The following SOX5 variants were observed in gnomAD, a reference collection of about 807,000 sequenced individuals.
SOX5 encodes the protein SRY-box transcription factor 5.
In SOX5, 9 loss-of-function variants were observed where a neutral mutation model predicts 92.0. That is an observed-to-expected ratio of 0.10 (90% CI 0.06 to 0.17). SOX5 has a LOEUF of 0.17. Ranked by LOEUF, SOX5 falls within the 10% of genes least tolerant of loss-of-function variation. The pLI, the probability that SOX5 is intolerant of heterozygous loss-of-function variation, is 1.00. For missense variants in SOX5, 642 were observed against 944.5 expected (o/e 0.68, Z 4.20); for synonymous variants, 344 against 336.3 (o/e 1.02, Z -0.25).
intron 4 of SOX5, among the ~76,000 whole-genome samples, chr12:24,095,188 G>A (rs1327532598): frequency 6.6e-6 from 1 of 151,810 alleles, no homozygotes; most frequent in African/African-American, 2.4e-5. Flanking sequence ...CAGAGAGAGA[G>A]AGAGAGATTC....
chr12:24,312,041 A>AT, intron 2 of SOX5, among the ~76,000 whole-genome samples: 1 of 139,352 alleles, frequency 7.2e-6, no homozygotes, highest in East Asian at 3.0e-4. Context: ...TTGGTAGTTG[A>AT]GAAATTAAGG....
chr12:23,830,081 C>T (rs937391530), intron 3 of SOX5, among the ~76,000 whole-genome samples: 20 of 152,108 alleles, frequency 1.3e-4, no homozygotes, highest in Non-Finnish European at 2.1e-4. Context: ...GCATAAACTG[C>T]TATGATGGAT....
intron 1 of SOX5, among the ~76,000 whole-genome samples, chr12:24,374,202 A>T (rs1957014663): frequency 6.6e-6 from 1 of 152,094 alleles, no homozygotes; most frequent in South Asian, 2.1e-4. Context: ...GCAGTGGTGC[A>T]GAAGCCTGTG....
intron 4 of SOX5, among the ~76,000 whole-genome samples, chr12:24,026,869 A>C (rs1954948665): frequency 6.6e-6 from 1 of 151,980 alleles, no homozygotes; most frequent in South Asian, 2.1e-4. Context: ...CCACAGTAGT[A>C]ATGAAGCATT....
intron 4 of SOX5, among the ~76,000 whole-genome samples, chr12:24,140,171 G>T (rs1950450197): frequency 6.6e-6 from 1 of 152,108 alleles, no homozygotes; most frequent in Non-Finnish European, 1.5e-5. Flanking sequence ...TAATAGTGTA[G>T]GTCAATGCTG....
At chr12:23,694,155 C>T (rs2089403476) in intron 6 of SOX5, among the ~76,000 whole-genome samples, 1 of 152,248 alleles carries the variant, frequency 6.6e-6, no homozygotes, top group African/African-American at 2.4e-5. Flanking sequence ...AAATGATTTG[C>T]CTTTTCATGA....
chr12:23,742,549 T>C (rs556024320), intron 4 of SOX5, among the ~76,000 whole-genome samples: 3 of 152,280 alleles, frequency 2.0e-5, no homozygotes, highest in Admixed American at 6.5e-5. Context: ...TTAATGAAAA[T>C]ATTCATATGC....
intron 1 of SOX5, among the ~76,000 whole-genome samples, chr12:24,411,879 G>C (rs1398685665): frequency 6.6e-6 from 1 of 152,052 alleles, no homozygotes; most frequent in Non-Finnish European, 1.5e-5. Flanking sequence ...TAAATGTTTG[G>C]TAGAATTATC....
intron 2 of SOX5, among the ~76,000 whole-genome samples, chr12:23,865,599 C>T (rs918438410): frequency 9.3e-5 from 14 of 151,346 alleles, no homozygotes; most frequent in African/African-American, 2.2e-4. Flanking sequence ...CACTTGAACC[C>T]GGGAGGCGGA....
chr12:24,235,176 A>G (rs538037497), intron 3 of SOX5, among the ~76,000 whole-genome samples: 52 of 152,338 alleles, frequency 3.4e-4, no homozygotes, highest in Non-Finnish European at 6.6e-4. Context: ...GTGGCTCGGA[A>G]AACATTTGTT....
rs562385647 is a variant in SOX5 at position 24,500,007 on chromosome 12, G to C, written c.-251+62322C>G. Among the ~76,000 whole-genome samples the C allele has an allele frequency of 2.5e-4, 38 of 152,120 alleles. 1 individual carries two copies. Among genetic ancestry groups the C allele is most frequent in the Middle Eastern group, 3.4e-3 (1 of 294 alleles). ...TGTCTCTGGCATATTCTTTCCTCAG[G>C]CCTCAAATTCTTTCAGAAAATCAAG... On this transcript the variant is annotated intron_variant, in intron 1 of 4. Coordinates refer to the SOX5 transcript ENST00000446891.
chr12:23,657,659 G>C (rs16926532), intron 7 of SOX5, among the ~76,000 whole-genome samples: 40,422 of 151,936 alleles, frequency 0.27, 5,466 homozygotes, highest in African/African-American at 0.3. Flanking sequence ...CTGTTACTGA[G>C]ATGAAATTCC....
intron 2 of SOX5, among the ~76,000 whole-genome samples, chr12:24,350,942 A>T (rs1353986313): frequency 6.6e-6 from 1 of 152,186 alleles, no homozygotes; most frequent in Non-Finnish European, 1.5e-5. Context: ...CTGTAATCCC[A>T]GCTACCTGAG....
At chr12:23,721,839 T>C (rs75593496) in intron 6 of SOX5, among the ~76,000 whole-genome samples, 8,070 of 152,292 alleles carry the variant, frequency 0.053, 717 homozygotes, top group African/African-American at 0.18. Flanking sequence ...CCAAGGAAGC[T>C]TGAAAAATTA....
At chr12:23,913,770 C>T (rs1023367001) in intron 1 of SOX5, among the ~76,000 whole-genome samples, 3 of 150,998 alleles carry the variant, frequency 2.0e-5, no homozygotes, top group Non-Finnish European at 4.4e-5. Flanking sequence ...AAAGCAAGCA[C>T]TGAATAGATT....
intron 1 of SOX5, among the ~76,000 whole-genome samples, chr12:24,387,449 G>C (rs1283224747): frequency 6.6e-6 from 1 of 152,090 alleles, no homozygotes; most frequent in African/African-American, 2.4e-5. Context: ...ATGACCCAGG[G>C]AAGCCAAAAG....
At chr12:24,134,132 G>A (rs908111925) in intron 4 of SOX5, among the ~76,000 whole-genome samples, 6 of 152,082 alleles carry the variant, frequency 3.9e-5, no homozygotes, top group Non-Finnish European at 8.8e-5. Flanking sequence ...TGCAGGTGAA[G>A]AAACATTAAT....
intron 4 of SOX5, among the ~76,000 whole-genome samples, chr12:24,191,776 T>G (rs1169580906): frequency 1.3e-5 from 2 of 152,202 alleles, no homozygotes; most frequent in South Asian, 4.1e-4. Flanking sequence ...AGTATTTTGT[T>G]TGTTTAGCCT....
Position 23,536,433 on chromosome 12 carries a change from A to AATGACT in SOX5, c.1988+14_1988+19dup, listed in dbSNP as rs1198546844. The AATGACT allele has an allele frequency of 6.3e-7, 1 of 1,595,794 alleles. No individual in the cohort carries two copies. The highest frequency in any genetic ancestry group is 8.6e-7 in the Non-Finnish European group (1 of 1,164,046). On this transcript the variant is annotated intron_variant, in intron 14 of 14. Coordinates refer to ENST00000451604, the MANE Select transcript of SOX5 (RefSeq NM_006940.6). ...AACAGGAAGTTTGCCCCATGAGAAA[A>AATGACT]ATGACTAAAAGGTACATACCCAACA...
Sources: allele counts gnomAD v4.1 joint callset (sites outside exome capture counted in the v4.1 genomes callset), GRCh38; gene constraint gnomAD v4.1.1; transcripts MANE v1.5; gene names NCBI Gene and HGNC (gene_info 2026-07-23, HGNC 2026-07-21).